NRXN3: variants seen among roughly 807,000 people sequenced by gnomAD.
The protein encoded by NRXN3 is neurexin III.
Under a neutral mutation model 137.6 loss-of-function variants are expected in NRXN3, and 32 were observed. That is an observed-to-expected ratio of 0.23 (90% confidence interval 0.18 to 0.31). The LOEUF (loss-of-function observed/expected upper bound fraction) is 0.31, where lower values mean the gene tolerates loss of function less well. Among genes scored for constraint, NRXN3 ranks in the 10% least tolerant of loss-of-function variants. The pLI, the probability that NRXN3 is intolerant of heterozygous loss-of-function variation, is 1.00. For missense variants in NRXN3, 1,574 were observed against 2,062.5 expected (o/e 0.76, Z 4.59); for synonymous variants, 798 against 784.5 (o/e 1.02, Z -0.29).
At chr14:78,422,733 T>C (rs2093498905) in intron 4 of NRXN3, among the ~76,000 whole-genome samples, 2 of 152,292 alleles carry the variant, frequency 1.3e-5, no homozygotes, top group South Asian at 4.1e-4. Flanking sequence ...TTTCTTTCAG[T>C]TCACAAAATG....
intron 15 of NRXN3, among the ~76,000 whole-genome samples, chr14:79,284,149 T>G (rs2081774257): frequency 6.6e-6 from 1 of 150,878 alleles, no homozygotes; most frequent in South Asian, 2.1e-4. Context: ...GCAACTTTTG[T>G]ATATTTTTTC....
chr14:79,686,278 G>A (rs1482625001), intron 17 of NRXN3, among the ~76,000 whole-genome samples: 2 of 152,084 alleles, frequency 1.3e-5, no homozygotes, highest in East Asian at 3.9e-4. Context: ...ATAACTACAT[G>A]TCTACAGGCT....
At chr14:79,514,873 G>A (rs1438931917) in intron 16 of NRXN3, among the ~76,000 whole-genome samples, 2 of 141,432 alleles carry the variant, frequency 1.4e-5, no homozygotes, top group Admixed American at 1.4e-4. Context: ...GGAATGATGC[G>A]TTTTCTCTCA....
chr14:78,344,944 A>G (rs939395677), intron 4 of NRXN3, among the ~76,000 whole-genome samples: 10 of 152,230 alleles, frequency 6.6e-5, no homozygotes, highest in South Asian at 2.1e-4. Context: ...CAACTTTGTC[A>G]TGGTTTAGAA....
chr14:78,441,401 C>T (rs1369163414), intron 4 of NRXN3, among the ~76,000 whole-genome samples: 1 of 152,054 alleles, frequency 6.6e-6, no homozygotes, highest in South Asian at 2.1e-4. Flanking sequence ...AAAATCCATC[C>T]TTCACAGCTC....
intron 4 of NRXN3, among the ~76,000 whole-genome samples, chr14:78,336,368 G>T (rs1201158310): frequency 6.6e-6 from 1 of 152,158 alleles, no homozygotes; most frequent in Non-Finnish European, 1.5e-5. Flanking sequence ...TCCCAGGCCT[G>T]AGTTTGAACT....
chr14:78,971,825 G>A (rs2099442225), intron 14 of NRXN3, among the ~76,000 whole-genome samples: 1 of 151,956 alleles, frequency 6.6e-6, no homozygotes, highest in Admixed American at 6.6e-5. Flanking sequence ...TAGTAGAGAT[G>A]GGGTTTTACC....
chr14:78,852,350 C>T (rs1162681876), intron 10 of NRXN3, among the ~76,000 whole-genome samples: 2 of 152,138 alleles, frequency 1.3e-5, no homozygotes, highest in African/African-American at 4.8e-5. Flanking sequence ...TAACATCTGA[C>T]AATTTGATAA....
At chr14:78,778,718 CTTTCTTTCTT>C (rs1567285090) in intron 8 of NRXN3, among the ~76,000 whole-genome samples, 4 of 139,802 alleles carry the variant, frequency 2.9e-5, no homozygotes, top group African/African-American at 8.0e-5. Flanking sequence ...TTCTTTCTTT[CTTTCTTTCTT>C]TCTCTCTCTC....
At chr14:79,706,277 A>C (rs2098778555) in intron 19 of NRXN3, among the ~76,000 whole-genome samples, 1 of 152,178 alleles carries the variant, frequency 6.6e-6, no homozygotes, top group Admixed American at 6.5e-5. Context: ...TTGGAAATGT[A>C]ATATCACCCA....
intron 15 of NRXN3, among the ~76,000 whole-genome samples, chr14:79,204,714 A>G (rs899594248): frequency 1.3e-5 from 2 of 152,194 alleles, no homozygotes; most frequent in East Asian, 3.9e-4. Context: ...TAGATATGGA[A>G]CAAAAACACC....
chr14:79,077,730 A>G (rs1159779814), intron 15 of NRXN3, among the ~76,000 whole-genome samples: 1 of 152,202 alleles, frequency 6.6e-6, no homozygotes, highest in Non-Finnish European at 1.5e-5. Context: ...GAGACATTTT[A>G]TATAACTATA....
intron 16 of NRXN3, among the ~76,000 whole-genome samples, chr14:79,540,149 A>G (rs2097258239): frequency 6.6e-6 from 1 of 151,452 alleles, no homozygotes; most frequent in Non-Finnish European, 1.5e-5. Context: ...AATGGGTAAA[A>G]GATGCCTTAA....
At chr14:79,015,733 G>A (rs1004602335) in intron 15 of NRXN3, among the ~76,000 whole-genome samples, 1 of 152,176 alleles carries the variant, frequency 6.6e-6, no homozygotes, top group African/African-American at 2.4e-5. Flanking sequence ...ACCCAAAGGG[G>A]TGTGGCATTG....
chr14:79,432,847 C>T (rs1043925504), intron 15 of NRXN3, among the ~76,000 whole-genome samples: 9 of 152,192 alleles, frequency 5.9e-5, no homozygotes, highest in Admixed American at 5.9e-4. Flanking sequence ...GATGCAGACA[C>T]ATGCAATTCT....
intron 15 of NRXN3, among the ~76,000 whole-genome samples, chr14:79,298,049 TTCTG>T (rs1484018156): frequency 2.6e-5 from 4 of 152,068 alleles, no homozygotes; most frequent in African/African-American, 4.8e-5. Flanking sequence ...TTGTCTTCAT[TTCTG>T]TCTATTTTTT....
chr14:79,166,199 T>C (rs1457247854), intron 15 of NRXN3, among the ~76,000 whole-genome samples: 1 of 152,026 alleles, frequency 6.6e-6, no homozygotes, highest in Non-Finnish European at 1.5e-5. Flanking sequence ...CTAGGTGGTC[T>C]GAAATCTTCT....
intron 18 of NRXN3, among the ~76,000 whole-genome samples, chr14:79,696,327 T>G (rs188390916): frequency 1.3e-5 from 2 of 152,056 alleles, no homozygotes; most frequent in East Asian, 3.9e-4. Context: ...TAGTCATAAA[T>G]AACAAAATTG....
chr14:78,510,716 T>C (rs899690776), intron 4 of NRXN3, among the ~76,000 whole-genome samples: 3 of 152,192 alleles, frequency 2.0e-5, no homozygotes, highest in Non-Finnish European at 4.4e-5. Flanking sequence ...TGTCAATCTC[T>C]TGCTTTTTTC....
Sources: allele counts gnomAD v4.1 joint callset (sites outside exome capture counted in the v4.1 genomes callset), GRCh38; gene constraint gnomAD v4.1.1; transcripts MANE v1.5; gene names NCBI Gene and HGNC (gene_info 2026-07-23, HGNC 2026-07-21).